Variants in PXDNL observed in about 807,000 individuals in gnomAD.
PXDNL encodes probable oxidoreductase PXDNL.
In PXDNL, 145 loss-of-function variants were observed where a neutral mutation model predicts 150.8. The observed-to-expected ratio is 0.96, with a 90% confidence interval of 0.84 to 1.10. PXDNL has a LOEUF of 1.10. PXDNL is among the 50% of genes least tolerant of loss of function. The pLI is 0.00. For synonymous variants in PXDNL, 757 were observed against 725.7 expected (o/e 1.04, Z -0.69); for missense variants, 2,087 against 1,873.9 (o/e 1.11, Z -2.10).
At chr8:51,776,922 G>T (rs2037359984) in intron 1 of PXDNL, among the ~76,000 whole-genome samples, 1 of 152,108 alleles carries the variant, frequency 6.6e-6, no homozygotes. Context: ...AGGAACAAAT[G>T]TAGACATAGA....
intron 2 of PXDNL, among the ~76,000 whole-genome samples, chr8:51,593,332 C>T (rs934800375): frequency 6.6e-6 from 1 of 151,916 alleles, no homozygotes; most frequent in African/African-American, 2.4e-5. Context: ...GTAAAAGCAC[C>T]CTGGCAAATG....
At chr8:51,425,051 C>A (rs990812760) in intron 13 of PXDNL, among the ~76,000 whole-genome samples, 1 of 152,214 alleles carries the variant, frequency 6.6e-6, no homozygotes, top group African/African-American at 2.4e-5. Flanking sequence ...CAGAACCACA[C>A]CTTCTCTGCC....
rs189661403 is a variant in PXDNL at position 51,628,852 on chromosome 8, A to C, written c.236+25837T>G. Among the ~76,000 whole-genome samples, 376 of 152,326 alleles carry C rather than the reference A, an allele frequency of 2.5e-3. 5 individuals carry two copies. In the South Asian group the frequency reaches 0.03, roughly 12 times the overall value. ...TACAAAAAAGTAGTTTAGAAAAGTC[A>C]CTAACAGCAAACAGCTACAGACCAT... On this transcript the variant is annotated intron_variant, in intron 2 of 22. Transcript: ENST00000356297.
At chr8:51,727,963 AAAGTT>A (rs1228259560) in intron 1 of PXDNL, among the ~76,000 whole-genome samples, 2 of 152,242 alleles carry the variant, frequency 1.3e-5, no homozygotes, top group Non-Finnish European at 2.9e-5. Flanking sequence ...ACAAAAAAGA[AAAGTT>A]AAAAGTAAAA....
Position 51,423,670 on chromosome 8 carries a change from A to G in PXDNL, c.1700T>C (p.Ile567Thr). ...FHVDDEGTLT[I>T]YDAGFPDQGR... is the part of the protein sequence containing the mutation. ...CTGGTCAGGGAACCCTGCGTCGTAG[A>G]TAGTCAGCGTGCCTTCATCATCCAC... Residue 567 changes from isoleucine (I) to threonine (T), a missense_variant, in exon 14 of 23, where the codon ATC becomes ACC. Physicochemically the swap from Ile to Thr is moderately conservative, Grantham distance 89 (BLOSUM62 -1). Coordinates refer to ENST00000356297, the MANE Select transcript of PXDNL (RefSeq NM_144651.5). The G allele has an allele frequency of 6.2e-7, 1 of 1,613,936 alleles. No homozygotes were observed. The highest frequency in any genetic ancestry group is 8.5e-7 in the Non-Finnish European group (1 of 1,179,828).
intron 14 of PXDNL, among the ~76,000 whole-genome samples, chr8:51,421,640 A>G (rs1808956900): frequency 6.6e-6 from 1 of 152,200 alleles, no homozygotes; most frequent in African/African-American, 2.4e-5. Flanking sequence ...CGGAAGTTGC[A>G]GTGAGCCGAG....
intron 3 of PXDNL, among the ~76,000 whole-genome samples, chr8:51,562,130 T>C (rs991150320): frequency 2.0e-5 from 3 of 151,588 alleles, no homozygotes; most frequent in Non-Finnish European, 4.4e-5. Context: ...TAAGAAATTA[T>C]ATCCCTTTAT....
chr8:51,790,034 T>A (rs1197060309), intron 1 of PXDNL, among the ~76,000 whole-genome samples: 1 of 152,194 alleles, frequency 6.6e-6, no homozygotes, highest in Non-Finnish European at 1.5e-5. Flanking sequence ...TGCTTGTTTT[T>A]TAAAAATGTC....
intron 9 of PXDNL, among the ~76,000 whole-genome samples, chr8:51,455,227 C>T (rs1287884479): frequency 6.6e-6 from 1 of 151,292 alleles, no homozygotes; most frequent in Non-Finnish European, 1.5e-5. Context: ...AGGAGATAAT[C>T]TGATGCATGC....
intron 17 of PXDNL, among the ~76,000 whole-genome samples, chr8:51,394,999 C>T (rs1563390240): frequency 6.6e-6 from 1 of 152,236 alleles, no homozygotes; most frequent in East Asian, 1.9e-4. Context: ...ATTCAGCAAC[C>T]CCATGAGATA....
At chr8:51,421,140 CAG>C (rs1374678480) in intron 14 of PXDNL, among the ~76,000 whole-genome samples, 1 of 152,118 alleles carries the variant, frequency 6.6e-6, no homozygotes, top group African/African-American at 2.4e-5. Context: ...AGGGGCAATA[CAG>C]AGAGAGAGGA....
chr8:51,341,085 G>T (rs1481775752), intron 20 of PXDNL, among the ~76,000 whole-genome samples: 2 of 152,176 alleles, frequency 1.3e-5, no homozygotes, highest in Non-Finnish European at 2.9e-5. Flanking sequence ...TGTGGGTATG[G>T]GCCATGCATC....
rs1338577877 is a variant in PXDNL, at chr8:51,408,334, A to AT, written c.3289dup (p.Ile1097AsnfsTer14). On this transcript the variant is annotated frameshift_variant, in exon 17 of 23. Coordinates refer to ENST00000356297, the MANE Select transcript of PXDNL (RefSeq NM_144651.5). LOFTEE classifies it high-confidence loss of function. Reference sequence around the variant, plus strand: ...AAACAGCCCCCGGAGAACCGGGTCTATCCCACCTTCCTTGATTATTCTGGA... The same window carrying AT: ...AAACAGCCCCCGGAGAACCGGGTCTATTCCCACCTTCCTTGATTATTCTGGA... 3.7e-6 allele frequency: 6 copies of AT among 1,614,066 alleles called. No individual in the cohort carries two copies. The highest frequency in any genetic ancestry group is 5.1e-6 in the Non-Finnish European group (6 of 1,179,906).
chr8:51,637,439 G>A (rs992463667), intron 2 of PXDNL, among the ~76,000 whole-genome samples: 4 of 152,162 alleles, frequency 2.6e-5, no homozygotes, highest in African/African-American at 7.2e-5. Context: ...TCGCAAAGAA[G>A]CCAAAAACCT....
chr8:51,439,641 A>G (rs889033341), intron 12 of PXDNL, among the ~76,000 whole-genome samples: 4 of 152,078 alleles, frequency 2.6e-5, no homozygotes, highest in African/African-American at 7.2e-5. Flanking sequence ...CCTGGCCAAC[A>G]GGGCGAAAAA....
intron 3 of PXDNL, among the ~76,000 whole-genome samples, 160 bp from the exon 4 acceptor site, chr8:51,557,071 G>A (rs1452037847): frequency 6.6e-6 from 1 of 152,118 alleles, no homozygotes; most frequent in African/African-American, 2.4e-5. Flanking sequence ...ACTTAAATGT[G>A]TTCAATTGGT....
At chr8:51,707,724 C>T (rs903077778) in intron 1 of PXDNL, among the ~76,000 whole-genome samples, 6 of 152,198 alleles carry the variant, frequency 3.9e-5, no homozygotes, top group African/African-American at 1.4e-4. Context: ...TTCTCTGCTT[C>T]TGTGAATTTG....
intron 19 of PXDNL, among the ~76,000 whole-genome samples, chr8:51,352,188 T>G (rs1244240985): frequency 1.3e-5 from 2 of 152,140 alleles, no homozygotes; most frequent in African/African-American, 4.8e-5. Context: ...ATGGAGATTT[T>G]GCAAAAAGCT....
chr8:51,736,162 G>T (rs36052716), intron 1 of PXDNL, among the ~76,000 whole-genome samples: 5,383 of 152,082 alleles, frequency 0.035, 299 homozygotes, highest in African/African-American at 0.12. Context: ...TTTATCATTC[G>T]CAAGAAACAG....
Sources: gnomAD v4.1 joint callset for allele counts (sites outside exome capture counted in the v4.1 genomes callset) on GRCh38, gnomAD v4.1.1 for gene constraint, MANE v1.5 for transcripts, NCBI Gene and HGNC (gene_info 2026-07-23, HGNC 2026-07-21) for gene names.